Variants in ASIC2 observed in about 807,000 individuals in gnomAD.
The protein encoded by ASIC2 is acid sensing ion channel subunit 2.
A neutral mutation model predicts 57.3 loss-of-function variants in ASIC2; 25 were observed. The observed-to-expected ratio is 0.44, with a 90% CI of 0.32 to 0.61. The LOEUF is 0.61. ASIC2 is among the 20% of genes least tolerant of loss of function. The pLI, the probability that ASIC2 is intolerant of heterozygous loss-of-function variation, is 0.06. For synonymous variants in ASIC2, 319 were observed against 307.5 expected, an observed-to-expected ratio of 1.04 and a Z score of -0.39; for missense variants, 641 against 738.1, an observed-to-expected ratio of 0.87 and a Z score of 1.52.
intron 1 of ASIC2, among the ~76,000 whole-genome samples, chr17:33,594,752 C>T (rs926298416): frequency 4.0e-5 from 6 of 151,136 alleles, no homozygotes; most frequent in African/African-American, 1.2e-4. Flanking sequence ...GACGTGAACC[C>T]GGGAGGTGGA....
chr17:33,479,956 T>A (rs1397131558), intron 1 of ASIC2, among the ~76,000 whole-genome samples: 1 of 152,166 alleles, frequency 6.6e-6, no homozygotes. Context: ...ATAGGGGTGA[T>A]CCCCTGAGGC....
intron 7 of ASIC2, among the ~76,000 whole-genome samples, chr17:33,019,750 C>T (rs951978994): frequency 2.0e-5 from 3 of 151,968 alleles, no homozygotes; most frequent in African/African-American, 7.3e-5. Flanking sequence ...TCATATCTGA[C>T]GCAGACATGA....
At chr17:33,443,760 G>C (rs2141985664) in intron 1 of ASIC2, among the ~76,000 whole-genome samples, 1 of 152,274 alleles carries the variant, frequency 6.6e-6, no homozygotes, top group South Asian at 2.1e-4. Context: ...TTACTTGTTA[G>C]AGAGAGGCCT....
At chr17:33,700,867 T>C (rs565556242) in intron 1 of ASIC2, among the ~76,000 whole-genome samples, 2 of 152,156 alleles carry the variant, frequency 1.3e-5, no homozygotes, top group Non-Finnish European at 2.9e-5. Context: ...CCATCCTGAC[T>C]ACTCCCCAAA....
intron 2 of ASIC2, among the ~76,000 whole-genome samples, chr17:33,094,783 C>T (rs140415448): frequency 2.9e-4 from 44 of 152,336 alleles, no homozygotes; most frequent in Middle Eastern, 3.4e-3. Context: ...TTCTACTCCA[C>T]ACCTCTTTAA....
At chr17:33,054,104 G>T (rs1376613888) in intron 3 of ASIC2, among the ~76,000 whole-genome samples, 4 of 151,988 alleles carry the variant, frequency 2.6e-5, no homozygotes, top group Admixed American at 2.6e-4. Flanking sequence ...GGCTCAGTTT[G>T]TGCCCTTCTG....
chr17:33,026,413 T>A (rs947414554), intron 4 of ASIC2, among the ~76,000 whole-genome samples: 4 of 152,148 alleles, frequency 2.6e-5, no homozygotes, highest in Admixed American at 6.5e-5. Context: ...GTTTTACCCA[T>A]GATAATTTTG....
chr17:33,033,552 A>G, intron 3 of ASIC2, among the ~76,000 whole-genome samples: 1 of 152,140 alleles, frequency 6.6e-6, no homozygotes, highest in East Asian at 1.9e-4. Flanking sequence ...CCCAGAAGGG[A>G]CCACCCCAAC....
At chr17:33,782,282 T>C (rs1212325399) in intron 1 of ASIC2, among the ~76,000 whole-genome samples, 1 of 152,152 alleles carries the variant, frequency 6.6e-6, no homozygotes, top group Admixed American at 6.5e-5. Flanking sequence ...AGCTTCAAAG[T>C]TTAACATTTT....
chr17:33,578,988 T>C (rs910912786), intron 1 of ASIC2, among the ~76,000 whole-genome samples: 1 of 152,072 alleles, frequency 6.6e-6, no homozygotes, highest in Non-Finnish European at 1.5e-5. Context: ...GAAGCGGTTA[T>C]AGAATGCAGG....
At chr17:33,334,454 A>G (rs1204151172) in intron 1 of ASIC2, among the ~76,000 whole-genome samples, 1 of 152,188 alleles carries the variant, frequency 6.6e-6, no homozygotes, top group African/African-American at 2.4e-5. Context: ...TGGGAAGAGC[A>G]TCCTAGAAGA....
intron 1 of ASIC2, among the ~76,000 whole-genome samples, chr17:33,971,182 A>G (rs1339169099): frequency 6.6e-6 from 1 of 152,178 alleles, no homozygotes; most frequent in Non-Finnish European, 1.5e-5. Context: ...CACAGAATCC[A>G]AAGACAGTGG....
At chr17:34,135,620 T>G (rs773291733) in intron 1 of ASIC2, among the ~76,000 whole-genome samples, 11 of 152,166 alleles carry the variant, frequency 7.2e-5, no homozygotes, top group Non-Finnish European at 1.6e-4. Context: ...AAATCTTCCC[T>G]TTACACCTTG....
intron 1 of ASIC2, among the ~76,000 whole-genome samples, chr17:33,225,413 T>C (rs1306142703): frequency 6.6e-6 from 1 of 152,226 alleles, no homozygotes; most frequent in Non-Finnish European, 1.5e-5. Context: ...CACAGGGTTA[T>C]TGCAAGGATT....
chr17:33,915,974 G>A (rs1915575816), intron 1 of ASIC2, among the ~76,000 whole-genome samples: 1 of 152,176 alleles, frequency 6.6e-6, no homozygotes, highest in Admixed American at 6.5e-5. Context: ...AATCCCCAGA[G>A]GAGGGAGACT....
intron 3 of ASIC2, among the ~76,000 whole-genome samples, chr17:33,034,285 A>T (rs565735707): frequency 6.6e-6 from 1 of 152,308 alleles, no homozygotes; most frequent in South Asian, 2.1e-4. Context: ...AGAGGTTTCC[A>T]GCCAGAAAAA....
chr17:33,433,873 A>C (rs1267914743), intron 1 of ASIC2, among the ~76,000 whole-genome samples: 2 of 152,122 alleles, frequency 1.3e-5, no homozygotes, highest in East Asian at 3.9e-4. Flanking sequence ...CTGAACATAA[A>C]AGTTAAAAAA....
intron 1 of ASIC2, among the ~76,000 whole-genome samples, chr17:33,529,231 G>A (rs1210137184): frequency 6.6e-6 from 1 of 152,154 alleles, no homozygotes; most frequent in African/African-American, 2.4e-5. Flanking sequence ...CCCTGTAGGG[G>A]AGCTTTTAAA....
chr17:34,033,079 C>T (rs1042717119), intron 1 of ASIC2, among the ~76,000 whole-genome samples: 14 of 152,142 alleles, frequency 9.2e-5, no homozygotes, highest in African/African-American at 3.1e-4. Flanking sequence ...CAGTACCACA[C>T]CACACCTATT....
Sources: allele counts gnomAD v4.1 joint callset (sites outside exome capture counted in the v4.1 genomes callset), GRCh38; gene constraint gnomAD v4.1.1; transcripts MANE v1.5; gene names NCBI Gene and HGNC (gene_info 2026-07-23, HGNC 2026-07-21).